Variants in THOP1 observed in about 807,000 individuals in gnomAD.
The protein encoded by THOP1 is thimet oligopeptidase.
Under a neutral mutation model 71.8 loss-of-function variants are expected in THOP1, and 49 were observed. The observed-to-expected ratio is 0.68, with a 90% CI of 0.54 to 0.87. The LOEUF is 0.87. Ranked by LOEUF, THOP1 falls within the 40% of genes least tolerant of loss-of-function variation. The pLI is 0.00. For missense variants in THOP1, 843 were observed against 975.6 expected (o/e 0.86, Z 1.81); for synonymous variants, 426 against 421.5 (o/e 1.01, Z -0.13).
At position 2,814,906 on chromosome 19, in the gene THOP1, T is replaced by C. The variant is rs1916569386; in HGVS notation, c.*1630T>C. On this transcript the variant is annotated 3_prime_UTR_variant, in exon 13 of 13. Coordinates refer to ENST00000307741, the MANE Select transcript of THOP1 (RefSeq NM_003249.5). The stretch of plus-strand genomic sequence containing the variant: ...GGCAAGACCCCATCTCTAAAAAAAA[T>C]AAGTTCGGTGGGTGTGGGGCCAGTG... 6.6e-6 allele frequency: 1 copy of C among 152,288 alleles called. No individual in the cohort carries two copies. The highest frequency in any genetic ancestry group is 6.6e-5 in the Admixed American group (1 of 15,260). 9.4% of individuals were successfully genotyped at this position (152,288 alleles called of 1,614,324 possible). A position where few individuals can be genotyped will look rare whatever the true frequency, so the allele number is the denominator to read the frequency against.
chr19:2,805,000 G>A lies in THOP1; in HGVS notation c.590-16G>A, dbSNP rs780218368. 1.9e-6 allele frequency: 3 copies of A among 1,607,764 alleles called. No individual in the cohort carries two copies. The highest frequency in any genetic ancestry group is 2.5e-6 in the Non-Finnish European group (3 of 1,177,220). ...CCATCAGTCCTGTCAAAGCCACCCTGGTTCTGTCCCCATAGGAGGGCTCCC... is the reference window on the plus strand; with the variant it reads ...CCATCAGTCCTGTCAAAGCCACCCTAGTTCTGTCCCCATAGGAGGGCTCCC... On this transcript the variant is annotated splice_polypyrimidine_tract_variant and intron_variant, in intron 5 of 12. Transcript: ENST00000307741. This position sits in a 1 kb window ranked among gnomAD's most constrained non-coding sequence, Gnocchi z 4.7.
chr19:2,806,758 A>T, intron 6 of THOP1, 159 bp from the exon 7 acceptor site: 1 of 1,270,090 alleles, frequency 7.9e-7, no homozygotes, highest in Non-Finnish European at 1.1e-6. Context: ...CGCTGGTGGC[A>T]TGACCAGAGG....
intron 12 of THOP1, chr19:2,812,015 TG>T: frequency 9.7e-7 from 1 of 1,032,810 alleles, no homozygotes; most frequent in Non-Finnish European, 1.4e-6. Flanking sequence ...AGCTCCTCCC[TG>T]GGCCCTGCAG....
In THOP1 at chr19:2,791,712, C is replaced by G. The variant is rs570324812; in HGVS notation, c.229+1079C>G. Among the ~76,000 whole-genome samples the G allele has an allele frequency of 1.3e-3, 202 of 152,310 alleles. 1 individual carries two copies. The highest frequency in any genetic ancestry group is 4.5e-3 in the African/African-American group (186 of 41,574). On this transcript the variant is annotated intron_variant, in intron 2 of 12. Coordinates refer to ENST00000307741, the MANE Select transcript of THOP1 (RefSeq NM_003249.5). ...TTCCCTCTTATGGCGCCCAGCGGTG[C>G]CAGGCATCATTTCCCCCGCCCGTGC... is the stretch of plus-strand genomic sequence containing the variant.
intron 4 of THOP1, among the ~76,000 whole-genome samples, chr19:2,797,989 C>A (rs76813259): frequency 6.6e-6 from 1 of 152,146 alleles, no homozygotes; most frequent in African/African-American, 2.4e-5. Flanking sequence ...TCAGCTCAGC[C>A]GCAGCGGACA....
In THOP1 at chr19:2,813,298, A is replaced by T; in HGVS notation, c.*22A>T. 1 of 1,593,994 alleles carries T rather than the reference A, an allele frequency of 6.3e-7. No homozygotes were observed. The highest frequency in any genetic ancestry group is 8.5e-7 in the Non-Finnish European group (1 of 1,171,068). Reference sequence around the variant, plus strand: ...CTGAGGCCTGGCACTGCGACTGCCCAGTCTGGCCTGCGCTCCCGCCGCCCT... The same window carrying T: ...CTGAGGCCTGGCACTGCGACTGCCCTGTCTGGCCTGCGCTCCCGCCGCCCT... On this transcript the variant is annotated 3_prime_UTR_variant, in exon 13 of 13. Transcript: ENST00000307741.
chr19:2,803,460 A>G (rs185625506), intron 5 of THOP1, among the ~76,000 whole-genome samples: 2 of 152,344 alleles, frequency 1.3e-5, no homozygotes, highest in Admixed American at 1.3e-4. Context: ...CCTGGGCAAC[A>G]GAGCAAGACC....
At chr19:2,796,223 C>A in intron 4 of THOP1, 35 bp downstream of exon 4, 1 of 1,523,098 alleles carries the variant, frequency 6.6e-7, no homozygotes, top group Non-Finnish European at 9.0e-7. Flanking sequence ...TGGGCGTGGG[C>A]AATGGTCGAT....
At position 2,807,202 on chromosome 19, in the gene THOP1, G is replaced by A. The variant is rs73524705; in HGVS notation, c.886+150G>A. On this transcript the variant is annotated intron_variant, in intron 7 of 12. Coordinates refer to ENST00000307741, the MANE Select transcript of THOP1 (RefSeq NM_003249.5). ...CTGCCCTGGCTCCCTCACTCCCCCC[G>A]AGGGACCCTTACAGAACAGGGAAGC... The A allele has an allele frequency of 5.6e-3, 7,228 of 1,288,670 alleles. 278 individuals are homozygous for A. The African/African-American group carries it at 0.093, about 17-fold the overall frequency. 79.8% of individuals were successfully genotyped at this position (1,288,670 alleles called of 1,614,324 possible). A position where few individuals can be genotyped will look rare whatever the true frequency, so the allele number is the denominator to read the frequency against.
At chr19:2,799,271 G>A (rs1009436040) in intron 4 of THOP1, among the ~76,000 whole-genome samples, 2 of 152,216 alleles carry the variant, frequency 1.3e-5, no homozygotes, top group African/African-American at 4.8e-5. Context: ...GCTGCAGTGA[G>A]TCGAGATCAT....
chr19:2,799,871 G>A (rs979103402), intron 5 of THOP1, 80 bp downstream of exon 5: 47 of 1,296,820 alleles, frequency 3.6e-5, no homozygotes, highest in East Asian at 3.5e-4. Context: ...GGGGGCCGCC[G>A]CTTCCTCCTG....
rs760889892 is a variant in THOP1 at position 2,814,335 on chromosome 19, C to G, written c.*1059C>G. 6.6e-6 allele frequency: 1 copy of G among 152,302 alleles called. No homozygotes were observed. The highest frequency in any genetic ancestry group is 2.4e-5 in the African/African-American group (1 of 41,462). 9.4% of individuals were successfully genotyped at this position (152,302 alleles called of 1,614,324 possible). On this transcript the variant is annotated 3_prime_UTR_variant, in exon 13 of 13. Coordinates refer to ENST00000307741, the MANE Select transcript of THOP1 (RefSeq NM_003249.5). The stretch of plus-strand genomic sequence containing the variant: ...CCCAGTGCTCTGATGTTTTCTCCCG[C>G]GACTGTGAGTTTCTCAGGAGCCCCC...
At chr19:2,796,246 T>C in intron 4 of THOP1, 58 bp downstream of exon 4, 1 of 1,393,720 alleles carries the variant, frequency 7.2e-7, no homozygotes, top group Non-Finnish European at 1.0e-6. Flanking sequence ...CGGGGAGTGC[T>C]GGGCACAGGG....
At position 2,790,608 on chromosome 19, in the gene THOP1, G is replaced by A; in HGVS notation, c.204G>A (p.Leu68=). The A allele has an allele frequency of 6.3e-7, 1 of 1,578,186 alleles. No individual in the cohort carries two copies. Among genetic ancestry groups the A allele is most frequent in the Non-Finnish European group, 8.6e-7 (1 of 1,163,790 alleles). ...CCTACGAGAGCACGCTCAAGGCGCTGGCCGATGTGGAGGTCACCTACACAG... is the reference window on the plus strand; with the variant it reads ...CCTACGAGAGCACGCTCAAGGCGCTAGCCGATGTGGAGGTCACCTACACAG... ...DVSYESTLKA[L]ADVEVTYTVQ... The change falls in exon 2 of 13, where the codon CTG becomes CTA. Residue 68 remains leucine, a synonymous_variant. Transcript: ENST00000307741.
rs368214927 is a variant in THOP1, at chr19:2,804,043, C to T, written c.590-973C>T. Among the ~76,000 whole-genome samples the T allele has an allele frequency of 2.0e-5, 3 of 152,116 alleles. No individual in the cohort carries two copies. Among genetic ancestry groups the T allele is most frequent in the Non-Finnish European group, 4.4e-5 (3 of 67,984 alleles). The stretch of plus-strand genomic sequence containing the variant: ...ACTGCTCTGGGGTCCGTGTGAGCTC[C>T]GGATCATTCTTTCCACCCTGACTCC... On this transcript the variant is annotated intron_variant, in intron 5 of 12. Transcript: ENST00000307741. The surrounding 1 kb of genome is among the most constrained non-coding windows in gnomAD (Gnocchi z 4.7).
intron 1 of THOP1, among the ~76,000 whole-genome samples, chr19:2,790,116 C>T (rs1599518266): frequency 1.3e-5 from 2 of 152,134 alleles, no homozygotes; most frequent in Admixed American, 6.5e-5. Context: ...CTGCTGGGGC[C>T]GTCCTGGTCA....
At chr19:2,786,254 C>T (rs1293385284) in intron 1 of THOP1, among the ~76,000 whole-genome samples, 1 of 152,048 alleles carries the variant, frequency 6.6e-6, no homozygotes, top group Non-Finnish European at 1.5e-5. Flanking sequence ...AACGAGGGGA[C>T]CTTTTAATTT....
At chr19:2,796,241 A>T in intron 4 of THOP1, 53 bp downstream of exon 4, 1 of 1,420,648 alleles carries the variant, frequency 7.0e-7, no homozygotes, top group East Asian at 2.4e-5. Flanking sequence ...GATCCCGGGG[A>T]GTGCTGGGCA....
In THOP1 at chr19:2,810,727, C is replaced by T. The variant is rs571489169; in HGVS notation, c.1730C>T (p.Ala577Val). ...QTDADPAEEY[A>V]RLCQEILGVP... The stretch of plus-strand genomic sequence containing the variant: ...GACGCAGACCCCGCCGAGGAGTATG[C>T]GCGGCTCTGCCAGGAGATCCTCGGG... The change falls in exon 11 of 13, where the codon GCG (alanine) becomes GTG (valine). Residue 577 changes from alanine to valine, a missense_variant. Transcript: ENST00000307741. 2.8e-5 allele frequency: 44 copies of T among 1,596,428 alleles called. No homozygotes were observed. Among genetic ancestry groups the T allele is most frequent in the South Asian group, 4.5e-5 (4 of 88,478 alleles).
Sources: gnomAD v4.1 joint callset for allele counts (sites outside exome capture counted in the v4.1 genomes callset) on GRCh38, gnomAD v4.1.1 for gene constraint, Gnocchi (gnomAD v3.1) non-coding constraint, MANE v1.5 for transcripts, NCBI Gene and HGNC (gene_info 2026-07-23, HGNC 2026-07-21) for gene names.